The following CSMD1 variants were observed in gnomAD, a reference collection of about 807,000 sequenced individuals.
The protein encoded by CSMD1 is CUB and sushi domain-containing protein 1.
Under a neutral mutation model 417.5 loss-of-function variants are expected in CSMD1, and 213 were observed. That is an observed-to-expected ratio of 0.51 (90% CI 0.46 to 0.57). CSMD1 has a LOEUF of 0.57. Ranked by LOEUF, CSMD1 falls within the 20% of genes least tolerant of loss-of-function variation. The probability of loss-of-function intolerance (pLI) is 0.00; values close to 1 mark genes in which losing one functional copy is unlikely to be tolerated. For missense variants in CSMD1, 6,923 were observed against 4,529.7 expected (o/e 1.53, Z -15.17); for synonymous variants, 2,862 against 1,736.8 (o/e 1.65, Z -16.11).
intron 3 of CSMD1, among the ~76,000 whole-genome samples, chr8:4,143,251 C>G (rs1470182389): frequency 6.6e-6 from 1 of 151,078 alleles, no homozygotes; most frequent in Non-Finnish European, 1.5e-5. Flanking sequence ...TTAGCACTAT[C>G]TTTTTCCATT....
At chr8:4,431,733 T>A (rs1040985453) in intron 2 of CSMD1, among the ~76,000 whole-genome samples, 3 of 152,336 alleles carry the variant, frequency 2.0e-5, no homozygotes, top group South Asian at 2.1e-4. Flanking sequence ...AATCAATTGT[T>A]GTTCTAACAA....
At chr8:4,147,650 G>C (rs7003340) in intron 3 of CSMD1, among the ~76,000 whole-genome samples, 1 of 152,010 alleles carries the variant, frequency 6.6e-6, no homozygotes, top group East Asian at 1.9e-4. Flanking sequence ...AGGTTACTCT[G>C]AGTGCTGGCT....
At chr8:3,634,541 T>C (rs1012858619) in intron 7 of CSMD1, among the ~76,000 whole-genome samples, 1 of 152,172 alleles carries the variant, frequency 6.6e-6, no homozygotes, top group Non-Finnish European at 1.5e-5. Flanking sequence ...CTTCCCTTTT[T>C]TGCCTTTAAA....
At chr8:4,842,406 C>T (rs1800897587) in intron 1 of CSMD1, among the ~76,000 whole-genome samples, 1 of 152,218 alleles carries the variant, frequency 6.6e-6, no homozygotes, top group Non-Finnish European at 1.5e-5. Flanking sequence ...ATCTTTAAAA[C>T]TTCAAATGCA....
chr8:3,919,695 T>C (rs935919264), intron 5 of CSMD1, among the ~76,000 whole-genome samples: 1 of 152,162 alleles, frequency 6.6e-6, no homozygotes, highest in African/African-American at 2.4e-5. Flanking sequence ...TTGATAGAGA[T>C]TGCTTTGAAT....
intron 4 of CSMD1, among the ~76,000 whole-genome samples, chr8:4,012,910 C>A (rs1796343090): frequency 1.3e-5 from 2 of 152,046 alleles, no homozygotes; most frequent in Non-Finnish European, 2.9e-5. Context: ...GAAATTCCAT[C>A]AGCACCTTCT....
At chr8:3,121,518 C>T (rs1563064487) in intron 41 of CSMD1, among the ~76,000 whole-genome samples, 1 of 152,146 alleles carries the variant, frequency 6.6e-6, no homozygotes, top group East Asian at 1.9e-4. Flanking sequence ...GAAACTTCAC[C>T]TGGAGGGAAG....
At chr8:4,847,164 A>C (rs1801192340) in intron 1 of CSMD1, among the ~76,000 whole-genome samples, 1 of 152,218 alleles carries the variant, frequency 6.6e-6, no homozygotes, top group African/African-American at 2.4e-5. Flanking sequence ...CTCTCTCGTA[A>C]GTCACTCTCT....
intron 1 of CSMD1, among the ~76,000 whole-genome samples, chr8:4,993,564 C>G (rs1421772978): frequency 2.0e-5 from 3 of 152,276 alleles, no homozygotes; most frequent in Middle Eastern, 3.4e-3. Context: ...GCCCCAAGCC[C>G]AGGAGCCACC....
chr8:4,453,152 A>C (rs1212871959), intron 2 of CSMD1, among the ~76,000 whole-genome samples: 1 of 151,948 alleles, frequency 6.6e-6, no homozygotes, highest in East Asian at 1.9e-4. Flanking sequence ...TGAGGCAAAT[A>C]TGGCACAAGC....
intron 7 of CSMD1, among the ~76,000 whole-genome samples, chr8:3,654,486 T>A (rs1366388125): frequency 6.6e-6 from 1 of 152,004 alleles, no homozygotes; most frequent in African/African-American, 2.4e-5. Flanking sequence ...CTTTTAAAAA[T>A]CAAGAGGAGA....
intron 3 of CSMD1, among the ~76,000 whole-genome samples, chr8:4,126,798 G>C (rs184137524): frequency 2.0e-5 from 3 of 152,266 alleles, no homozygotes; most frequent in East Asian, 1.9e-4. Flanking sequence ...TCATTCTGGA[G>C]ATGTGTCCTA....
chr8:3,976,492 A>G (rs1813445344), intron 5 of CSMD1, among the ~76,000 whole-genome samples: 1 of 152,214 alleles, frequency 6.6e-6, no homozygotes, highest in African/African-American at 2.4e-5. Flanking sequence ...ACTAACACAT[A>G]ACGCTTAATA....
intron 3 of CSMD1, among the ~76,000 whole-genome samples, chr8:4,282,824 A>G (rs888261012): frequency 6.6e-6 from 1 of 152,180 alleles, no homozygotes; most frequent in African/African-American, 2.4e-5. Flanking sequence ...TATCAGATTC[A>G]ACAAGCATCA....
At chr8:4,964,531 G>A (rs567366045) in intron 1 of CSMD1, among the ~76,000 whole-genome samples, 530 of 134,234 alleles carry the variant, frequency 3.9e-3, no homozygotes, top group Non-Finnish European at 6.0e-3. Context: ...AAAAAGGAAG[G>A]AAGGAAGGAA....
At chr8:2,943,110 A>C (rs533461121) in intron 68 of CSMD1, among the ~76,000 whole-genome samples, 23 of 152,342 alleles carry the variant, frequency 1.5e-4, no homozygotes, top group African/African-American at 5.3e-4. Context: ...ACATTCTGAA[A>C]TTCACAGAAG....
intron 31 of CSMD1, 88 bp from the exon 32 acceptor site, chr8:3,201,813 C>T (rs996514125): frequency 3.3e-6 from 2 of 605,784 alleles, no homozygotes; most frequent in Non-Finnish European, 2.8e-6. Context: ...CTATTAATTG[C>T]CCCAATGGAT....
chr8:4,647,396 T>TACGCGTGTGCCACGGAGGG (rs1803591792), intron 1 of CSMD1, among the ~76,000 whole-genome samples: 1 of 85,504 alleles, frequency 1.2e-5, no homozygotes, highest in East Asian at 9.2e-4. Flanking sequence ...GCCACGGAGG[T>TACGCGTGTGCCACGGAGGG]CTGTTAGGTA....
At chr8:4,808,830 C>A (rs568354571) in intron 1 of CSMD1, among the ~76,000 whole-genome samples, 19 of 152,326 alleles carry the variant, frequency 1.2e-4, no homozygotes, top group African/African-American at 4.6e-4. Flanking sequence ...ATAGTGCTTT[C>A]ATGATTTAAA....
Sources: allele counts gnomAD v4.1 joint callset (sites outside exome capture counted in the v4.1 genomes callset), GRCh38; gene constraint gnomAD v4.1.1; transcripts MANE v1.5; gene names NCBI Gene and HGNC (gene_info 2026-07-23, HGNC 2026-07-21).